RBFOX1: variants seen among roughly 807,000 people sequenced by gnomAD.
RBFOX1 encodes the protein RNA binding protein fox-1 homolog 1.
In RBFOX1, 8 loss-of-function variants were observed where a neutral mutation model predicts 57.7. The observed-to-expected ratio is 0.14, with a 90% CI of 0.08 to 0.25. The LOEUF is 0.25. RBFOX1 is among the 10% of genes least tolerant of loss of function. The pLI is 1.00. For missense variants in RBFOX1, 611 were observed against 548.5 expected (o/e 1.11, Z -1.14); for synonymous variants, 326 against 222.4 (o/e 1.47, Z -4.15).
chr16:7,549,005 T>C (rs967226763), intron 5 of RBFOX1, among the ~76,000 whole-genome samples: 1 of 152,118 alleles, frequency 6.6e-6, no homozygotes, highest in Non-Finnish European at 1.5e-5. Context: ...ATCAGAGTAA[T>C]GGCTAGCCCA....
chr16:7,148,939 A>G (rs1475667870), intron 4 of RBFOX1, among the ~76,000 whole-genome samples: 1 of 152,212 alleles, frequency 6.6e-6, no homozygotes, highest in Non-Finnish European at 1.5e-5. Flanking sequence ...AGTCTGATGC[A>G]TTTCATTTCA....
At chr16:7,702,435 G>A (rs530590055) in intron 14 of RBFOX1, among the ~76,000 whole-genome samples, 8 of 152,318 alleles carry the variant, frequency 5.3e-5, no homozygotes, top group Admixed American at 1.3e-4. Context: ...GCCTCTTTCA[G>A]TAGGACTGTG....
chr16:5,885,322 A>G (rs866936606), intron 4 of RBFOX1, among the ~76,000 whole-genome samples: 5 of 151,000 alleles, frequency 3.3e-5, no homozygotes, highest in Middle Eastern at 3.2e-3. Context: ...GGAGGCTTAA[A>G]AAAAAAAAAA....
At position 7,711,346 on chromosome 16, in the gene RBFOX1, C is replaced by A. The variant is rs1367704166; in HGVS notation, c.*601C>A. 6.6e-6 allele frequency: 1 copy of A among 152,602 alleles called. No individual in the cohort carries two copies. Among genetic ancestry groups the A allele is most frequent in the African/African-American group, 2.4e-5 (1 of 41,526 alleles). 9.5% of individuals were successfully genotyped at this position (152,602 alleles called of 1,614,324 possible). A position where few individuals can be genotyped will look rare whatever the true frequency, so the allele number is the denominator to read the frequency against. ...CAAAGGTCATGTTGTTAAGGGGGTG[C>A]TTCTAGTAGCACTTGTGCATCTGAG... is the stretch of plus-strand genomic sequence containing the variant. On this transcript the variant is annotated 3_prime_UTR_variant, in exon 16 of 16. Transcript: ENST00000550418.
chr16:5,999,864 C>T (rs572125920), intron 4 of RBFOX1, among the ~76,000 whole-genome samples: 5,094 of 69,902 alleles, frequency 0.073, 369 homozygotes, highest in East Asian at 0.39. Context: ...CGAGACTCCA[C>T]CTCAAAAAAA....
At chr16:7,138,998 T>G (rs966991366) in intron 4 of RBFOX1, among the ~76,000 whole-genome samples, 2 of 152,110 alleles carry the variant, frequency 1.3e-5, no homozygotes, top group African/African-American at 4.8e-5. Flanking sequence ...GAGACAGGTT[T>G]TTACCATTTT....
At chr16:6,897,921 C>G (rs898274200) in intron 3 of RBFOX1, among the ~76,000 whole-genome samples, 2 of 152,328 alleles carry the variant, frequency 1.3e-5, no homozygotes, top group Non-Finnish European at 2.9e-5. Context: ...GTCTCAGACA[C>G]GAGCTACCCT....
intron 2 of RBFOX1, among the ~76,000 whole-genome samples, chr16:6,517,117 G>A (rs1269000755): frequency 6.6e-6 from 1 of 152,090 alleles, no homozygotes; most frequent in Non-Finnish European, 1.5e-5. Flanking sequence ...GCTTGTTGTG[G>A]GCCACTTGTG....
intron 4 of RBFOX1, among the ~76,000 whole-genome samples, chr16:7,434,317 A>C (rs1174122272): frequency 2.6e-5 from 4 of 151,974 alleles, no homozygotes; most frequent in African/African-American, 9.7e-5. Flanking sequence ...TAAAAATACA[A>C]AAAAATTAGC....
At chr16:7,389,057 T>A (rs968753729) in intron 4 of RBFOX1, among the ~76,000 whole-genome samples, 1 of 152,210 alleles carries the variant, frequency 6.6e-6, no homozygotes, top group African/African-American at 2.4e-5. Flanking sequence ...TATGGCCATA[T>A]GTAATATGTT....
At chr16:7,297,444 C>T (rs1279773313) in intron 4 of RBFOX1, among the ~76,000 whole-genome samples, 1 of 152,146 alleles carries the variant, frequency 6.6e-6, no homozygotes, top group African/African-American at 2.4e-5. Flanking sequence ...TGATTTCTGA[C>T]ATTGTCCCTA....
intron 4 of RBFOX1, among the ~76,000 whole-genome samples, chr16:7,404,306 G>C (rs561086322): frequency 6.6e-6 from 1 of 152,220 alleles, no homozygotes; most frequent in African/African-American, 2.4e-5. Flanking sequence ...GCCTGCCTCA[G>C]CCTCCCAAAG....
At chr16:5,340,021 G>A (rs1428131015) in intron 1 of RBFOX1, among the ~76,000 whole-genome samples, 1 of 152,190 alleles carries the variant, frequency 6.6e-6, no homozygotes, top group Admixed American at 6.5e-5. Context: ...CGTTCTCCCA[G>A]TGAGCAGCAC....
intron 3 of RBFOX1, among the ~76,000 whole-genome samples, chr16:6,785,941 C>A (rs189491251): frequency 3.5e-4 from 53 of 152,324 alleles, no homozygotes; most frequent in Admixed American, 1.2e-3. Context: ...TGTGTACATG[C>A]ATGTGACTTC....
intron 3 of RBFOX1, among the ~76,000 whole-genome samples, chr16:6,801,636 G>C (rs2085483264): frequency 6.6e-6 from 1 of 151,942 alleles, no homozygotes; most frequent in Non-Finnish European, 1.5e-5. Context: ...ACAGCTAATT[G>C]GGCAGGAAAG....
At chr16:5,859,596 A>C (rs758918578) in intron 3 of RBFOX1, among the ~76,000 whole-genome samples, 19 of 152,218 alleles carry the variant, frequency 1.2e-4, no homozygotes, top group Non-Finnish European at 2.5e-4. Flanking sequence ...ACAGTGGAAA[A>C]TCACAAAGAA....
intron 11 of RBFOX1, among the ~76,000 whole-genome samples, chr16:7,647,544 AG>A (rs1249082078): frequency 3.1e-5 from 3 of 98,100 alleles, no homozygotes; most frequent in Non-Finnish European, 4.8e-5. Flanking sequence ...AAATTGAACT[AG>A]GAAAAAAAAA....
chr16:7,457,142 C>G (rs140980011), intron 4 of RBFOX1, among the ~76,000 whole-genome samples: 92 of 152,222 alleles, frequency 6.0e-4, no homozygotes, highest in African/African-American at 2.0e-3. Flanking sequence ...CTGCCTCAGC[C>G]TCCCAAAGTG....
intron 4 of RBFOX1, among the ~76,000 whole-genome samples, chr16:5,988,115 T>C (rs1454522191): frequency 6.6e-6 from 1 of 152,218 alleles, no homozygotes; most frequent in African/African-American, 2.4e-5. Flanking sequence ...CCCGATTCAA[T>C]TCGCATTCTA....
Sources: gnomAD v4.1 joint callset for allele counts (sites outside exome capture counted in the v4.1 genomes callset) on GRCh38, gnomAD v4.1.1 for gene constraint, MANE v1.5 for transcripts, NCBI Gene and HGNC (gene_info 2026-07-23, HGNC 2026-07-21) for gene names.